Variants in GLT1D1 observed in about 807,000 individuals in gnomAD.
The protein encoded by GLT1D1 is glycosyltransferase 1 domain containing 1.
GLT1D1 carries 21 observed loss-of-function variants against 28.7 expected under a neutral mutation model. The observed-to-expected ratio is 0.73, with a 90% confidence interval of 0.52 to 1.05. The LOEUF (loss-of-function observed/expected upper bound fraction) is 1.05, where lower values mean the gene tolerates loss of function less well. Among genes scored for constraint, GLT1D1 ranks in the 50% least tolerant of loss-of-function variants. The pLI is 0.00. For synonymous variants in GLT1D1, 147 were observed against 124.8 expected, an observed-to-expected ratio of 1.18 and a Z score of -1.19; for missense variants, 343 against 330.6, an observed-to-expected ratio of 1.04 and a Z score of -0.29.
chr12:128,854,116 T>A (rs1381945899), intron 1 of GLT1D1, among the ~76,000 whole-genome samples: 1 of 152,124 alleles, frequency 6.6e-6, no homozygotes, highest in Non-Finnish European at 1.5e-5. Flanking sequence ...CCGAAGTCCC[T>A]TTCCCACCTC....
rs181397138 is a variant in GLT1D1 at position 128,945,405 on chromosome 12, G to A, written c.419+36G>A. 1.3e-4 allele frequency: 210 copies of A among 1,580,784 alleles called. 1 individual carries two copies. Among genetic ancestry groups the A allele is most frequent in the East Asian group, 1.2e-3 (55 of 44,712 alleles). On this transcript the variant is annotated intron_variant, in intron 5 of 7. Coordinates refer to ENST00000281703, the MANE Select transcript of GLT1D1 (RefSeq NM_144669.3). ...GTGGAGACCAGTCATTTTGCAGAAC[G>A]GGAAGCCTGAGTGGCCCCTGGGTTA...
At chr12:128,911,480 T>A (rs1028463255) in intron 4 of GLT1D1, among the ~76,000 whole-genome samples, 68 of 152,212 alleles carry the variant, frequency 4.5e-4, no homozygotes, top group Non-Finnish European at 4.4e-4. Flanking sequence ...CAGGGGTGTG[T>A]CTTCTGTGAC....
At position 128,912,430 on chromosome 12, in the gene GLT1D1, G is replaced by A. The variant is rs1293987071; in HGVS notation, c.375+13143G>A. The A allele has an allele frequency of 1.2e-5, 18 of 1,526,660 alleles. No homozygotes were observed. The East Asian group carries it at 4.4e-4, about 37-fold the overall frequency. 94.6% of individuals were successfully genotyped at this position (1,526,660 alleles called of 1,614,324 possible). On this transcript the variant is annotated intron_variant, in intron 4 of 7. Transcript: ENST00000281703. ...TCTCCCCTCCTTTCAAAAGCCGCAT[G>A]CTAAGGGTAAGGTCTATGTCCAGAG... is the stretch of plus-strand genomic sequence containing the variant.
In GLT1D1 at chr12:128,948,522, G is replaced by A. The variant is rs565640520; in HGVS notation, c.540+1064G>A. Among the ~76,000 whole-genome samples, 39 of 152,244 alleles carry A rather than the reference G, an allele frequency of 2.6e-4. No homozygotes were observed. In the South Asian group the frequency reaches 3.3e-3, roughly 13 times the overall value. ...GGCGTAAACAAGCATTGATGGGCAC[G>A]TGATAAAGCCTGTTTTCCTGTCGAA... On this transcript the variant is annotated intron_variant, in intron 6 of 7. Coordinates refer to ENST00000281703, the MANE Select transcript of GLT1D1 (RefSeq NM_144669.3).
At chr12:128,957,230 C>A (rs1025399302) in intron 6 of GLT1D1, among the ~76,000 whole-genome samples, 1 of 152,144 alleles carries the variant, frequency 6.6e-6, no homozygotes, top group Non-Finnish European at 1.5e-5. Context: ...ATGCTCCATG[C>A]GGTCGGTCGG....
In GLT1D1 at chr12:128,975,790, C is replaced by G. The variant is rs150714031; in HGVS notation, c.640-7139C>G. Among the ~76,000 whole-genome samples, 815 of 152,258 alleles carry G rather than the reference C, an allele frequency of 5.4e-3. 9 individuals are homozygous for G. Among genetic ancestry groups the G allele is most frequent in the African/African-American group, 0.019 (791 of 41,558 alleles). ...TTTTGATACTTATTTTAAAGTGAGC[C>G]CCTAACTGTAACCATGATGTTCAGG... On this transcript the variant is annotated intron_variant, in intron 7 of 7. Coordinates refer to ENST00000281703, the MANE Select transcript of GLT1D1 (RefSeq NM_144669.3).
rs968576207 is a variant in GLT1D1, at chr12:128,926,269, C to T, written c.376-19057C>T. On this transcript the variant is annotated intron_variant, in intron 4 of 7. Transcript: ENST00000281703. ...GAGAAGCTGGCCTCGAAGTCAGAGG[C>T]CTCCACTTCTGAATGCATCTGTGAT... is the stretch of plus-strand genomic sequence containing the variant. The T allele has an allele frequency of 1.3e-5, 6 of 448,118 alleles. No homozygotes were observed. The East Asian group carries it at 2.2e-4, about 16-fold the overall frequency. 27.8% of individuals were successfully genotyped at this position (448,118 alleles called of 1,614,324 possible). A position where few individuals can be genotyped will look rare whatever the true frequency, so the allele number is the denominator to read the frequency against.
At chr12:128,890,861 T>C (rs1317242248) in intron 3 of GLT1D1, among the ~76,000 whole-genome samples, 1 of 152,114 alleles carries the variant, frequency 6.6e-6, no homozygotes, top group Non-Finnish European at 1.5e-5. Context: ...TAGCCGGACA[T>C]GGTGGCCTGT....
chr12:128,900,811 T>A (rs1870168066), intron 4 of GLT1D1, among the ~76,000 whole-genome samples: 1 of 152,088 alleles, frequency 6.6e-6, no homozygotes, highest in Admixed American at 6.6e-5. Context: ...AATTTTTGTA[T>A]TTTTAGTAGG....
At chr12:128,879,386 CTT>C (rs1956957206) in intron 2 of GLT1D1, among the ~76,000 whole-genome samples, 1 of 42,468 alleles carries the variant, frequency 2.4e-5, no homozygotes, top group Non-Finnish European at 4.4e-5. Context: ...CTTTTTCTTT[CTT>C]TCTTTCTTTC....
At chr12:128,905,875 T>C (rs1302470323) in intron 4 of GLT1D1, among the ~76,000 whole-genome samples, 1 of 151,818 alleles carries the variant, frequency 6.6e-6, no homozygotes, top group East Asian at 1.9e-4. Flanking sequence ...TTGCCCAGGC[T>C]GGATGGAGTG....
intron 7 of GLT1D1, among the ~76,000 whole-genome samples, chr12:128,977,637 G>A (rs1352349717): frequency 6.6e-6 from 1 of 152,150 alleles, no homozygotes; most frequent in Non-Finnish European, 1.5e-5. Flanking sequence ...GAAGGCATTT[G>A]CGTTTCCCAC....
At chr12:128,964,255 T>C (rs1878241212) in intron 7 of GLT1D1, among the ~76,000 whole-genome samples, 1 of 152,166 alleles carries the variant, frequency 6.6e-6, no homozygotes, top group South Asian at 2.1e-4. Flanking sequence ...TGGTGACAGA[T>C]GCCTGTAGTC....
At chr12:128,860,960 A>G (rs1956349619) in intron 1 of GLT1D1, among the ~76,000 whole-genome samples, 1 of 152,198 alleles carries the variant, frequency 6.6e-6, no homozygotes, top group Non-Finnish European at 1.5e-5. Context: ...AAGTGAAAAA[A>G]TAGAGTCTGA....
intron 7 of GLT1D1, among the ~76,000 whole-genome samples, chr12:128,970,879 T>C (rs1195499480): frequency 6.6e-6 from 1 of 152,202 alleles, no homozygotes; most frequent in African/African-American, 2.4e-5. Flanking sequence ...CAGTCAGGCA[T>C]GTTTACTCAT....
At chr12:128,934,347 C>T (rs747396245) in intron 4 of GLT1D1, among the ~76,000 whole-genome samples, 52 of 152,124 alleles carry the variant, frequency 3.4e-4, no homozygotes, top group Middle Eastern at 6.9e-3. Context: ...GCACGTGCCA[C>T]CACACCTGGC....
At chr12:128,874,112 CTCTCTCTCTCTCTCTTTCTT>C (rs1374702904) in intron 1 of GLT1D1, among the ~76,000 whole-genome samples, 7 of 57,780 alleles carry the variant, frequency 1.2e-4, no homozygotes, top group Non-Finnish European at 2.1e-4. Context: ...CTCTCTCTCT[CTCTCTCTCTCTCTCTTTCTT>C]TCTTTCTTTC....
intron 4 of GLT1D1, among the ~76,000 whole-genome samples, chr12:128,931,299 C>T (rs1053187743): frequency 1.0e-4 from 15 of 149,598 alleles, no homozygotes; most frequent in Non-Finnish European, 1.5e-4. Context: ...CTGCACCTGG[C>T]CACTTTTTAA....
chr12:128,890,671 G>T (rs1296282393), intron 3 of GLT1D1, among the ~76,000 whole-genome samples: 3 of 151,746 alleles, frequency 2.0e-5, no homozygotes, highest in Non-Finnish European at 4.4e-5. Flanking sequence ...TGTAATTCCG[G>T]CTACTTGGGA....
Sources: gnomAD v4.1 joint callset for allele counts (sites outside exome capture counted in the v4.1 genomes callset) on GRCh38, gnomAD v4.1.1 for gene constraint, MANE v1.5 for transcripts, NCBI Gene and HGNC (gene_info 2026-07-23, HGNC 2026-07-21) for gene names.